Variants in SLC24A3 observed in about 807,000 individuals in gnomAD.
The protein encoded by SLC24A3 is solute carrier family 24 member 3, also known as sodium/potassium/calcium exchanger 3.
In SLC24A3, 28 loss-of-function variants were observed where a neutral mutation model predicts 75.8. That is an observed-to-expected ratio of 0.37 (90% CI 0.27 to 0.51). SLC24A3 has a LOEUF of 0.51. Ranked by LOEUF, SLC24A3 falls within the 20% of genes least tolerant of loss-of-function variation. The pLI, the probability that SLC24A3 is intolerant of heterozygous loss-of-function variation, is 0.94. For missense variants in SLC24A3, 663 were observed against 847.8 expected, an observed-to-expected ratio of 0.78 and a Z score of 2.71; for synonymous variants, 372 against 334.1, an observed-to-expected ratio of 1.11 and a Z score of -1.24.
intron 2 of SLC24A3, among the ~76,000 whole-genome samples, chr20:19,345,634 A>C (rs1985375980): frequency 6.6e-6 from 1 of 152,200 alleles, no homozygotes; most frequent in South Asian, 2.1e-4. Context: ...TAAGGACATA[A>C]ATAGACATTT....
rs116696845 is a variant in SLC24A3, at chr20:19,581,257, T to C, written c.423+1183T>C. On this transcript the variant is annotated intron_variant, in intron 4 of 16. Coordinates refer to ENST00000328041, the MANE Select transcript of SLC24A3 (RefSeq NM_020689.4). ...ACCTTATGTCGAAGGGGAGGAGGTG[T>C]TCCTCACCTGTAACTGGAGTCCTCT... 2.5e-3 allele frequency among the ~76,000 whole-genome samples: 383 copies of C among 152,276 alleles called. 3 individuals are homozygous for C. The highest frequency in any genetic ancestry group is 9.0e-3 in the African/African-American group (376 of 41,560).
At chr20:19,542,643 A>T (rs916252720) in intron 3 of SLC24A3, among the ~76,000 whole-genome samples, 2 of 152,198 alleles carry the variant, frequency 1.3e-5, no homozygotes, top group African/African-American at 4.8e-5. Flanking sequence ...CGTCTTTGCT[A>T]CTGTAATTCC....
chr20:19,491,447 T>C (rs1988207906), intron 2 of SLC24A3, among the ~76,000 whole-genome samples: 1 of 152,224 alleles, frequency 6.6e-6, no homozygotes, highest in African/African-American at 2.4e-5. Context: ...CTGTCTTCCA[T>C]GCCCCTTAGC....
intron 2 of SLC24A3, among the ~76,000 whole-genome samples, chr20:19,496,052 C>T (rs1484466433): frequency 6.6e-6 from 1 of 152,198 alleles, no homozygotes; most frequent in Non-Finnish European, 1.5e-5. Context: ...AGACACTCTC[C>T]CTGCCGCCTC....
chr20:19,247,640 T>C (rs1184988204), intron 1 of SLC24A3, among the ~76,000 whole-genome samples: 3 of 152,224 alleles, frequency 2.0e-5, no homozygotes, highest in East Asian at 3.8e-4. Flanking sequence ...GCCTTAGGTA[T>C]AAATGCTCAT....
chr20:19,377,552 A>T (rs1019231642), intron 2 of SLC24A3, among the ~76,000 whole-genome samples: 1 of 152,166 alleles, frequency 6.6e-6, no homozygotes. Context: ...CTTTTGGGGT[A>T]ATGGGGTAAC....
In SLC24A3 at chr20:19,721,369, A is replaced by G. The variant is rs1431174059; in HGVS notation, c.*229A>G. 1.7e-5 allele frequency: 8 copies of G among 482,272 alleles called. No individual in the cohort carries two copies. Among genetic ancestry groups the G allele is most frequent in the Admixed American group, 1.1e-4 (3 of 27,166 alleles). The allele number at this position is 482,272 out of a possible 1,614,324, so 29.9% of individuals were successfully genotyped here. On this transcript the variant is annotated 3_prime_UTR_variant, in exon 17 of 17. Coordinates refer to ENST00000328041, the MANE Select transcript of SLC24A3 (RefSeq NM_020689.4). ...TTTCCTGCCTCCTCCGTGTGAAGAC[A>G]TCCAACATCCACGTGACTTTTCCAG... is the stretch of plus-strand genomic sequence containing the variant.
intron 1 of SLC24A3, among the ~76,000 whole-genome samples, chr20:19,230,975 A>G (rs1275112430): frequency 1.3e-5 from 2 of 152,236 alleles, no homozygotes; most frequent in African/African-American, 4.8e-5. Flanking sequence ...GGGAACAACT[A>G]AAGCTATCCG....
At chr20:19,357,725 C>T (rs913392547) in intron 2 of SLC24A3, among the ~76,000 whole-genome samples, 5 of 152,172 alleles carry the variant, frequency 3.3e-5, no homozygotes, top group Non-Finnish European at 7.3e-5. Flanking sequence ...CGCTAAGTAT[C>T]TCCTGCTGTG....
intron 1 of SLC24A3, among the ~76,000 whole-genome samples, chr20:19,215,748 A>G (rs889140761): frequency 8.5e-5 from 13 of 152,340 alleles, no homozygotes; most frequent in Admixed American, 7.8e-4. Flanking sequence ...AATCATATGG[A>G]ATCCAAGATC....
chr20:19,234,302 G>A (rs948517044), intron 1 of SLC24A3, among the ~76,000 whole-genome samples: 3 of 152,220 alleles, frequency 2.0e-5, no homozygotes, highest in Non-Finnish European at 2.9e-5. Context: ...TGAGACCCAG[G>A]AAAGTTTGCT....
intron 2 of SLC24A3, among the ~76,000 whole-genome samples, chr20:19,308,932 A>G (rs1984392180): frequency 6.6e-6 from 1 of 152,350 alleles, no homozygotes; most frequent in Admixed American, 6.5e-5. Flanking sequence ...TTTGATTGAT[A>G]TCTTTCTAAG....
At chr20:19,602,437 T>C (rs929522509) in intron 6 of SLC24A3, among the ~76,000 whole-genome samples, 1 of 152,056 alleles carries the variant, frequency 6.6e-6, no homozygotes, top group Non-Finnish European at 1.5e-5. Flanking sequence ...TATAAAGATA[T>C]GACTTCAGAA....
At chr20:19,411,681 C>T (rs111801229) in intron 2 of SLC24A3, among the ~76,000 whole-genome samples, 1 of 152,166 alleles carries the variant, frequency 6.6e-6, no homozygotes, top group African/African-American at 2.4e-5. Context: ...TCATTGGCTT[C>T]CCCTCAAAGC....
chr20:19,348,962 T>G (rs6112324), intron 2 of SLC24A3, among the ~76,000 whole-genome samples: 1 of 151,828 alleles, frequency 6.6e-6, no homozygotes, highest in Non-Finnish European at 1.5e-5. Flanking sequence ...ACACCCAGCA[T>G]ATCCTGCTTC....
intron 6 of SLC24A3, among the ~76,000 whole-genome samples, chr20:19,648,795 TA>T (rs998665790): frequency 2.2e-4 from 34 of 152,316 alleles, no homozygotes; most frequent in African/African-American, 7.9e-4. Context: ...AATGAAATTA[TA>T]AGAAGGAAAC....
At chr20:19,394,198 A>G (rs146056863) in intron 2 of SLC24A3, among the ~76,000 whole-genome samples, 236 of 152,342 alleles carry the variant, frequency 1.5e-3, no homozygotes, top group African/African-American at 5.5e-3. Context: ...CCATAGACAA[A>G]AATTAAGTCA....
At chr20:19,508,961 C>T (rs1002560125) in intron 2 of SLC24A3, among the ~76,000 whole-genome samples, 13 of 152,234 alleles carry the variant, frequency 8.5e-5, no homozygotes, top group Admixed American at 6.5e-5. Flanking sequence ...GATGCCAATG[C>T]AAGACAGGAA....
intron 2 of SLC24A3, among the ~76,000 whole-genome samples, chr20:19,506,452 G>T (rs548461352): frequency 4.6e-5 from 7 of 152,214 alleles, no homozygotes; most frequent in Middle Eastern, 3.4e-3. Flanking sequence ...CAAGAAAAAA[G>T]GGGGTAATTT....
Sources: gnomAD v4.1 joint callset for allele counts (sites outside exome capture counted in the v4.1 genomes callset) on GRCh38, gnomAD v4.1.1 for gene constraint, MANE v1.5 for transcripts, NCBI Gene and HGNC (gene_info 2026-07-23, HGNC 2026-07-21) for gene names.